The following THSD7B variants were observed in gnomAD, a reference collection of about 807,000 sequenced individuals.
The protein encoded by THSD7B is thrombospondin type-1 domain-containing protein 7B.
A neutral mutation model predicts 213.6 loss-of-function variants in THSD7B; 138 were observed. The observed-to-expected ratio is 0.65, with a 90% CI of 0.56 to 0.74. THSD7B has a LOEUF of 0.74. Ranked by LOEUF, THSD7B falls within the 30% of genes least tolerant of loss-of-function variation. The pLI, the probability that THSD7B is intolerant of heterozygous loss-of-function variation, is 0.00. For synonymous variants in THSD7B, 742 were observed against 687.0 expected, an observed-to-expected ratio of 1.08 and a Z score of -1.25; for missense variants, 1,931 against 1,991.5, an observed-to-expected ratio of 0.97 and a Z score of 0.58.
Position 136,821,164 on chromosome 2 carries a change from C to G in THSD7B, c.-36+55477C>G, listed in dbSNP as rs183733539. ...AAGAAAGCGAATGTGGTAGGTATGA[C>G]TGGCCAGTCTTTACAGAGTCACGTA... On this transcript the variant is annotated intron_variant, in intron 1 of 27. Coordinates refer to ENST00000409968, the MANE Select transcript of THSD7B (RefSeq NM_001316349.2). Among the ~76,000 whole-genome samples the G allele has an allele frequency of 2.6e-5, 4 of 152,218 alleles. No homozygotes were observed. In the East Asian group the frequency reaches 7.7e-4, roughly 29 times the overall value.
chr2:137,470,969 G>T (rs1057144850), intron 15 of THSD7B, among the ~76,000 whole-genome samples: 6 of 144,562 alleles, frequency 4.2e-5, no homozygotes, highest in Non-Finnish European at 7.5e-5. Flanking sequence ...ACTCAGGCTG[G>T]AGTGCAATGG....
At chr2:137,205,891 G>A (rs1166122708) in intron 7 of THSD7B, among the ~76,000 whole-genome samples, 1 of 113,480 alleles carries the variant, frequency 8.8e-6, no homozygotes, top group Admixed American at 8.4e-5. Context: ...ATTGTGTTAA[G>A]AGTAAGAATA....
intron 2 of THSD7B, among the ~76,000 whole-genome samples, chr2:136,909,070 C>G (rs1232453665): frequency 6.6e-6 from 1 of 152,052 alleles, no homozygotes; most frequent in South Asian, 2.1e-4. Context: ...GTAGTCCCAG[C>G]TACTAGGGAG....
intron 7 of THSD7B, among the ~76,000 whole-genome samples, chr2:137,174,827 T>G (rs1488451687): frequency 6.6e-6 from 1 of 152,226 alleles, no homozygotes; most frequent in African/African-American, 2.4e-5. Context: ...GCGTTGAATA[T>G]GCATAGGTTA....
At chr2:137,020,702 C>T (rs776703642) in intron 2 of THSD7B, among the ~76,000 whole-genome samples, 1 of 152,178 alleles carries the variant, frequency 6.6e-6, no homozygotes, top group Non-Finnish European at 1.5e-5. Flanking sequence ...CACTCCTTCG[C>T]TTTGCCCCGG....
chr2:137,131,489 C>T (rs1688731372), intron 5 of THSD7B, among the ~76,000 whole-genome samples: 1 of 152,128 alleles, frequency 6.6e-6, no homozygotes, highest in Admixed American at 6.5e-5. Flanking sequence ...CCTAGGTTTT[C>T]TTCTAGGGTT....
At chr2:136,968,145 C>T (rs894498409) in intron 2 of THSD7B, among the ~76,000 whole-genome samples, 2 of 152,122 alleles carry the variant, frequency 1.3e-5, no homozygotes. Flanking sequence ...AATGCACTGA[C>T]TGGGCATGTA....
intron 2 of THSD7B, among the ~76,000 whole-genome samples, chr2:136,989,997 T>C (rs73958305): frequency 0.029 from 4,277 of 148,434 alleles, 207 homozygotes; most frequent in African/African-American, 0.098. Context: ...GTCTTCTGCT[T>C]TCTTTTCTTG....
intron 2 of THSD7B, among the ~76,000 whole-genome samples, chr2:137,028,283 C>G (rs897589859): frequency 3.3e-5 from 5 of 152,250 alleles, no homozygotes; most frequent in Admixed American, 3.3e-4. Flanking sequence ...GACAGTCATG[C>G]TGATAAAATT....
chr2:136,801,368 C>G (rs1315089872), intron 1 of THSD7B, among the ~76,000 whole-genome samples: 1 of 151,988 alleles, frequency 6.6e-6, no homozygotes, highest in African/African-American at 2.4e-5. Context: ...GAATAGACCT[C>G]CAAAGTTCAA....
chr2:137,242,427 G>A, intron 9 of THSD7B, 30 bp from the exon 10 acceptor site: 1 of 1,550,252 alleles, frequency 6.5e-7, no homozygotes, highest in Non-Finnish European at 8.9e-7. Flanking sequence ...CTCTCAAAAA[G>A]GCATTGACAT....
rs188017308 is a variant in THSD7B, at chr2:137,106,337, A to T, written c.1200-8787A>T. ...ATAAATGGTGTTGGGAAAACTGGCT[A>T]GCCATATGCAGAAAACTGAAACTGG... On this transcript the variant is annotated intron_variant, in intron 4 of 27. Coordinates refer to ENST00000409968, the MANE Select transcript of THSD7B (RefSeq NM_001316349.2). Among the ~76,000 whole-genome samples, 964 of 152,358 alleles carry T rather than the reference A, an allele frequency of 6.3e-3. 9 individuals carry two copies. The highest frequency in any genetic ancestry group is 0.022 in the African/African-American group (923 of 41,584).
intron 1 of THSD7B, among the ~76,000 whole-genome samples, chr2:136,877,121 A>G (rs1683537840): frequency 6.6e-6 from 1 of 152,204 alleles, no homozygotes. Flanking sequence ...AGGGTTCCAG[A>G]AAAGGACTCT....
At chr2:137,325,547 A>G (rs1684350847) in intron 12 of THSD7B, among the ~76,000 whole-genome samples, 1 of 152,116 alleles carries the variant, frequency 6.6e-6, no homozygotes, top group Admixed American at 6.6e-5. Context: ...AACCTCAGAG[A>G]GCTGTTTTGT....
intron 2 of THSD7B, chr2:136,990,839 AT>A (rs2104815459): frequency 1.5e-6 from 2 of 1,300,770 alleles, no homozygotes; most frequent in South Asian, 2.5e-5. Context: ...AGTACTGAGC[AT>A]TTTCACAAAT....
At chr2:137,564,811 A>G (rs1394561212) in intron 16 of THSD7B, among the ~76,000 whole-genome samples, 1 of 152,148 alleles carries the variant, frequency 6.6e-6, no homozygotes, top group Non-Finnish European at 1.5e-5. Context: ...TATAATACAA[A>G]CAGTATAATA....
intron 15 of THSD7B, among the ~76,000 whole-genome samples, chr2:137,493,537 G>A (rs72981409): frequency 0.028 from 4,314 of 152,184 alleles, 212 homozygotes; most frequent in African/African-American, 0.098. Flanking sequence ...CACTCATGGC[G>A]CACAACTTCC....
At chr2:136,906,604 T>G (rs961115833) in intron 2 of THSD7B, 1 of 152,160 alleles carries the variant, frequency 6.6e-6, no homozygotes, top group Non-Finnish European at 1.5e-5. Flanking sequence ...TTTGGTATAT[T>G]GATATATTTG....
intron 5 of THSD7B, among the ~76,000 whole-genome samples, chr2:137,120,371 A>G (rs1055278871): frequency 2.0e-5 from 3 of 151,864 alleles, no homozygotes; most frequent in Non-Finnish European, 4.4e-5. Context: ...AGATGGGTGA[A>G]GACAAGCAGT....
Sources: allele counts gnomAD v4.1 joint callset (sites outside exome capture counted in the v4.1 genomes callset), GRCh38; gene constraint gnomAD v4.1.1; transcripts MANE v1.5; gene names NCBI Gene and HGNC (gene_info 2026-07-23, HGNC 2026-07-21).